The following SKIC2 variants were observed in gnomAD, a reference collection of about 807,000 sequenced individuals.
The protein encoded by SKIC2 is SKI2 subunit of superkiller complex.
chr6:31,969,549 C>T, the SKIC2 span: 1 of 1,613,958 alleles, frequency 6.2e-7, no homozygotes, highest in South Asian at 1.1e-5. This position sits in a 1 kb window ranked among gnomAD's most constrained non-coding sequence, Gnocchi z 6.1. Flanking sequence ...TCAGGGACCC[C>T]TGAGGGCCTG....
chr6:31,965,744 A>C, the SKIC2 span: 3 of 1,298,134 alleles, frequency 2.3e-6, no homozygotes, highest in Non-Finnish European at 2.2e-6. This position sits in a 1 kb window ranked among gnomAD's most constrained non-coding sequence, Gnocchi z 5.6. Context: ...GTGTGTATGT[A>C]GAGCCTTTGC....
the SKIC2 span, chr6:31,959,315 C>T: frequency 3.1e-6 from 5 of 1,613,730 alleles, no homozygotes; most frequent in Non-Finnish European, 1.7e-6. Context: ...CCTCCAGATC[C>T]CCTGGACCTA....
At chr6:31,960,939 T>A in the SKIC2 span, 1 of 979,120 alleles carries the variant, frequency 1.0e-6, no homozygotes, top group Non-Finnish European at 1.6e-6. Context: ...AACATCCCTA[T>A]CTACAGCATC....
At chr6:31,963,443 T>G in the SKIC2 span, 3 of 1,609,156 alleles carry the variant, frequency 1.9e-6, no homozygotes, top group Non-Finnish European at 2.5e-6. The surrounding 1 kb of genome is among the most constrained non-coding windows in gnomAD (Gnocchi z 5.3). Context: ...TCTATGTGAT[T>G]AGCACTGTAA....
chr6:31,969,412 C>T, the SKIC2 span: 20 of 1,614,138 alleles, frequency 1.2e-5, no homozygotes, highest in Admixed American at 6.7e-5. The surrounding 1 kb of genome is among the most constrained non-coding windows in gnomAD (Gnocchi z 6.1). Context: ...TGAGTGGGCC[C>T]GGGGCATGGT....
At chr6:31,969,344 A>G in the SKIC2 span, 17 of 1,614,080 alleles carry the variant, frequency 1.1e-5, no homozygotes, top group Non-Finnish European at 1.4e-5. This position sits in a 1 kb window ranked among gnomAD's most constrained non-coding sequence, Gnocchi z 6.1. Flanking sequence ...TGTGGCCTGA[A>G]CCAGACGGTG....
chr6:31,964,130 G>A, the SKIC2 span: 18 of 1,605,746 alleles, frequency 1.1e-5, no homozygotes, highest in South Asian at 6.6e-5. This position sits in a 1 kb window ranked among gnomAD's most constrained non-coding sequence, Gnocchi z 5.0. Flanking sequence ...CCCCAGGTGC[G>A]TCTGTGTGCG....
chr6:31,968,961 C>T, the SKIC2 span: 29 of 1,612,814 alleles, frequency 1.8e-5, no homozygotes, highest in Non-Finnish European at 2.4e-5. This position sits in a 1 kb window ranked among gnomAD's most constrained non-coding sequence, Gnocchi z 6.1. Flanking sequence ...TGAGTTGCTC[C>T]TCACTGAGCT....
the SKIC2 span, chr6:31,959,707 A>T: frequency 1.8e-6 from 1 of 549,190 alleles, no homozygotes; most frequent in Non-Finnish European, 3.2e-6. Flanking sequence ...TGAGCCTCCA[A>T]CCTTTCATCC....
At chr6:31,960,668 G>T in the SKIC2 span, 1 of 1,589,106 alleles carries the variant, frequency 6.3e-7, no homozygotes, top group Non-Finnish European at 8.6e-7. Context: ...CTTCCCAGGG[G>T]GGATGGATGA....
At chr6:31,967,436 T>A in the SKIC2 span, 1 of 1,362,986 alleles carries the variant, frequency 7.3e-7, no homozygotes. This position sits in a 1 kb window ranked among gnomAD's most constrained non-coding sequence, Gnocchi z 4.9. Context: ...CTCTCTCCAT[T>A]TTCCCCACTT....
the SKIC2 span, chr6:31,960,988 C>A: frequency 1.5e-6 from 2 of 1,292,604 alleles, no homozygotes; most frequent in East Asian, 2.3e-5. Flanking sequence ...ATATAATGTA[C>A]ACAATTTGTT....
chr6:31,960,988 C>T, the SKIC2 span: 1 of 1,292,608 alleles, frequency 7.7e-7, no homozygotes, highest in Non-Finnish European at 1.1e-6. Context: ...ATATAATGTA[C>T]ACAATTTGTT....
At chr6:31,968,154 G>GT in the SKIC2 span, 1 of 1,590,310 alleles carries the variant, frequency 6.3e-7, no homozygotes, top group Non-Finnish European at 8.6e-7. This position sits in a 1 kb window ranked among gnomAD's most constrained non-coding sequence, Gnocchi z 6.1. Flanking sequence ...TGGTCTGGGA[G>GT]TTTCCTCCAG....
At chr6:31,969,466 A>C in the SKIC2 span, 1 of 1,613,500 alleles carries the variant, frequency 6.2e-7, no homozygotes, top group Non-Finnish European at 8.5e-7. This position sits in a 1 kb window ranked among gnomAD's most constrained non-coding sequence, Gnocchi z 6.1. Context: ...GGCTGGGGAG[A>C]ACCTGCCCAG....
the SKIC2 span, chr6:31,963,476 C>G: frequency 1.9e-6 from 3 of 1,612,106 alleles, no homozygotes; most frequent in East Asian, 2.2e-5. This position sits in a 1 kb window ranked among gnomAD's most constrained non-coding sequence, Gnocchi z 5.3. Flanking sequence ...CCCTGGAGCA[C>G]TATCTTTTCA....
chr6:31,961,958 A>T, the SKIC2 span: 1 of 1,612,990 alleles, frequency 6.2e-7, no homozygotes, highest in Non-Finnish European at 8.5e-7. Flanking sequence ...CTGCACTTGG[A>T]ACGGCATGAC....
At chr6:31,967,296 C>T in the SKIC2 span, 32 of 1,612,982 alleles carry the variant, frequency 2.0e-5, no homozygotes, top group Admixed American at 2.2e-4. This position sits in a 1 kb window ranked among gnomAD's most constrained non-coding sequence, Gnocchi z 4.9. Context: ...AGTCTGTGAA[C>T]GGGCTGAAGT....
chr6:31,959,503 C>T, the SKIC2 span: 1 of 823,316 alleles, frequency 1.2e-6, no homozygotes, highest in Non-Finnish European at 2.1e-6. Context: ...TGTGCCTGTA[C>T]TCCTGTCCAT....
Sources: gnomAD v4.1 joint callset for allele counts on GRCh38, gnomAD v4.1.1 for gene constraint, Gnocchi (gnomAD v3.1) non-coding constraint, MANE v1.5 for transcripts, NCBI Gene and HGNC (gene_info 2026-07-23, HGNC 2026-07-21) for gene names.